IDO2: variants seen among roughly 807,000 people sequenced by gnomAD.
The protein encoded by IDO2 is indoleamine 2,3-dioxygenase-like 1 protein.
Under a neutral mutation model 45.1 loss-of-function variants are expected in IDO2, and 46 were observed. The observed-to-expected ratio is 1.02, with a 90% CI of 0.80 to 1.30. The LOEUF (loss-of-function observed/expected upper bound fraction) is 1.30, where lower values mean the gene tolerates loss of function less well. Ranked by LOEUF, IDO2 falls within the 50% of genes most tolerant of loss-of-function variation. IDO2 has a pLI of 0.00. For synonymous variants in IDO2, 218 were observed against 184.9 expected (o/e 1.18, Z -1.45); for missense variants, 544 against 491.8 (o/e 1.11, Z -1.00).
intron 8 of IDO2, among the ~76,000 whole-genome samples, chr8:39,990,445 A>G (rs1585413544): frequency 1.3e-5 from 2 of 152,334 alleles, no homozygotes; most frequent in Admixed American, 1.3e-4. Context: ...TCCCGTGTAT[A>G]AATGCCTGAT....
At chr8:39,972,883 T>C (rs1320415911) in intron 3 of IDO2, among the ~76,000 whole-genome samples, 2 of 152,200 alleles carry the variant, frequency 1.3e-5, no homozygotes, top group Non-Finnish European at 2.9e-5. Flanking sequence ...AAGTACTTTA[T>C]AATTAAGGTA....
exon 11 of IDO2, chr8:40,015,380 C>G (rs558816457): frequency 6.2e-7 from 1 of 1,613,922 alleles, no homozygotes; most frequent in African/African-American, 1.3e-5. Flanking sequence ...CAGCTTATAA[C>G]CAGTGTGTGC....
chr8:39,950,648 C>G (rs1057110134), intron 2 of IDO2, among the ~76,000 whole-genome samples: 4 of 152,240 alleles, frequency 2.6e-5, no homozygotes, highest in African/African-American at 9.6e-5. Flanking sequence ...TATTTATAAC[C>G]TGACGCATCT....
chr8:39,980,545 C>G (rs570638609), intron 4 of IDO2, among the ~76,000 whole-genome samples: 13 of 152,156 alleles, frequency 8.5e-5, no homozygotes, highest in Admixed American at 3.3e-4. Flanking sequence ...TTAAAAGTTA[C>G]TGTTATTTTT....
intron 9 of IDO2, among the ~76,000 whole-genome samples, chr8:40,009,349 G>A (rs1339990121): frequency 6.6e-6 from 1 of 151,712 alleles, no homozygotes. Flanking sequence ...TTTTATTTAG[G>A]AGAATGGAGA....
At position 39,935,269 on chromosome 8, in the gene IDO2, T is replaced by A. The variant is rs931936617; in HGVS notation, c.-18+51T>A. ...TAACCTCGTATGCATAATGTAAACA[T>A]CAAGACTGACAATTTGGGGCTAGCA... On this transcript the variant is annotated intron_variant, in intron 1 of 10. Transcript: ENST00000502986. 4.2e-6 allele frequency: 6 copies of A among 1,435,390 alleles called. No homozygotes were observed. The African/African-American group carries it at 8.5e-5, about 20-fold the overall frequency. The allele number at this position is 1,435,390 out of a possible 1,614,324, so 88.9% of individuals were successfully genotyped here. A position where few individuals can be genotyped will look rare whatever the true frequency, so the allele number is the denominator to read the frequency against.
chr8:39,993,091 T>A (rs1801966592), intron 8 of IDO2, among the ~76,000 whole-genome samples: 1 of 152,210 alleles, frequency 6.6e-6, no homozygotes, highest in Non-Finnish European at 1.5e-5. Flanking sequence ...GCCTGCCGCC[T>A]GTCAACCGTG....
At chr8:40,003,368 C>CAAAAAA (rs1172335332) in intron 8 of IDO2, among the ~76,000 whole-genome samples, 43 of 118,318 alleles carry the variant, frequency 3.6e-4, no homozygotes, top group Non-Finnish European at 5.2e-4. Context: ...GACTCCATCT[C>CAAAAAA]AAAAAAAAAA....
chr8:39,960,168 C>T (rs139204776), intron 2 of IDO2, among the ~76,000 whole-genome samples: 61 of 152,224 alleles, frequency 4.0e-4, no homozygotes, highest in African/African-American at 1.5e-3. Context: ...TTCTCATGGA[C>T]CTTCCATGTC....
At chr8:39,973,182 G>T (rs761903151) in intron 3 of IDO2, among the ~76,000 whole-genome samples, 1 of 152,130 alleles carries the variant, frequency 6.6e-6, no homozygotes, top group Non-Finnish European at 1.5e-5. Flanking sequence ...GAATTAATAA[G>T]TGCCACTGGA....
intron 1 of IDO2, among the ~76,000 whole-genome samples, chr8:39,939,165 C>A (rs1164690252): frequency 1.3e-5 from 2 of 151,594 alleles, no homozygotes; most frequent in East Asian, 3.9e-4. Context: ...ATCGCTTGAA[C>A]CCAGGAGGTG....
intron 3 of IDO2, among the ~76,000 whole-genome samples, chr8:39,964,576 C>G (rs928330949): frequency 6.6e-6 from 1 of 152,198 alleles, no homozygotes; most frequent in Non-Finnish European, 1.5e-5. Context: ...TATTTAATGT[C>G]TAGAATTACA....
intron 3 of IDO2, among the ~76,000 whole-genome samples, chr8:39,967,871 A>G (rs1808113877): frequency 6.6e-6 from 1 of 152,238 alleles, no homozygotes; most frequent in Middle Eastern, 3.2e-3. Context: ...GTATAGCAAT[A>G]GAGACTTTCA....
chr8:39,980,694 G>C (rs540498328), intron 4 of IDO2, among the ~76,000 whole-genome samples: 1 of 152,300 alleles, frequency 6.6e-6, no homozygotes, highest in South Asian at 2.1e-4. Flanking sequence ...ACTCAGGGAA[G>C]AGGAAAAGTG....
intron 8 of IDO2, among the ~76,000 whole-genome samples, chr8:39,996,432 T>C (rs1802047934): frequency 6.6e-6 from 1 of 152,198 alleles, no homozygotes; most frequent in Non-Finnish European, 1.5e-5. Context: ...GACACGTGAC[T>C]TGGGTGACCT....
At chr8:39,979,293 T>C (rs1808306568) in intron 4 of IDO2, 107 bp downstream of exon 4, 1 of 1,241,296 alleles carries the variant, frequency 8.1e-7, no homozygotes, top group Non-Finnish European at 1.1e-6. Flanking sequence ...ATGGGTACTT[T>C]CTTCTTCTCG....
intron 10 of IDO2, among the ~76,000 whole-genome samples, chr8:40,014,079 A>T (rs746169617): frequency 2.2e-4 from 34 of 152,286 alleles, no homozygotes; most frequent in Non-Finnish European, 4.1e-4. Context: ...GGGATCTTCC[A>T]AGAAAGTCCT....
intron 2 of IDO2, among the ~76,000 whole-genome samples, chr8:39,961,673 C>T (rs2543045): frequency 6.6e-6 from 1 of 151,972 alleles, no homozygotes; most frequent in Admixed American, 6.6e-5. Context: ...AACTGTGTAT[C>T]CAACTTCTCA....
chr8:39,992,397 G>C (rs1474514999), intron 8 of IDO2, among the ~76,000 whole-genome samples: 3 of 152,130 alleles, frequency 2.0e-5, no homozygotes, highest in Non-Finnish European at 4.4e-5. Context: ...CCCTCAGATG[G>C]TTCTAGGCTC....
Sources: gnomAD v4.1 joint callset for allele counts (sites outside exome capture counted in the v4.1 genomes callset) on GRCh38, gnomAD v4.1.1 for gene constraint, MANE v1.5 for transcripts, NCBI Gene and HGNC (gene_info 2026-07-23, HGNC 2026-07-21) for gene names.